CSMD1: variants seen among roughly 807,000 people sequenced by gnomAD.
CSMD1 encodes the protein CUB and sushi domain-containing protein 1.
Under a neutral mutation model 417.5 loss-of-function variants are expected in CSMD1, and 213 were observed. That is an observed-to-expected ratio of 0.51 (90% CI 0.46 to 0.57). The LOEUF (loss-of-function observed/expected upper bound fraction) is 0.57, where lower values mean the gene tolerates loss of function less well. Ranked by LOEUF, CSMD1 falls within the 20% of genes least tolerant of loss-of-function variation. The pLI is 0.00. For synonymous variants in CSMD1, 2,862 were observed against 1,736.8 expected (o/e 1.65, Z -16.11); for missense variants, 6,923 against 4,529.7 (o/e 1.53, Z -15.17).
intron 3 of CSMD1, among the ~76,000 whole-genome samples, chr8:4,242,807 C>T (rs542710333): frequency 6.6e-6 from 1 of 152,128 alleles, no homozygotes; most frequent in African/African-American, 2.4e-5. Flanking sequence ...TGGAGGAAAC[C>T]TTCATTCACC....
At position 4,177,129 on chromosome 8, in the gene CSMD1, G is replaced by T. The variant is rs546689859; in HGVS notation, c.416-145030C>A. On this transcript the variant is annotated intron_variant, in intron 3 of 69. Coordinates refer to ENST00000635120, the MANE Select transcript of CSMD1 (RefSeq NM_033225.6). Reference sequence around the variant, plus strand: ...CACCCCAAATCAACAGAATATACATGTTTTTCAGCACCACACCACACCTAT... The same window carrying T: ...CACCCCAAATCAACAGAATATACATTTTTTTCAGCACCACACCACACCTAT... 4.9e-3 allele frequency among the ~76,000 whole-genome samples: 744 copies of T among 152,130 alleles called. 2 individuals are homozygous for T. The highest frequency in any genetic ancestry group is 7.0e-3 in the Non-Finnish European group (478 of 67,968).
intron 50 of CSMD1, among the ~76,000 whole-genome samples, chr8:3,045,043 G>T (rs1176254473): frequency 1.3e-5 from 2 of 152,040 alleles, no homozygotes; most frequent in Admixed American, 1.3e-4. Flanking sequence ...AATTAAATCG[G>T]TTTTCCAGCC....
At chr8:4,703,731 A>G (rs1028670290) in intron 1 of CSMD1, among the ~76,000 whole-genome samples, 1 of 152,224 alleles carries the variant, frequency 6.6e-6, no homozygotes, top group African/African-American at 2.4e-5. Context: ...AAAAAATCTT[A>G]AAGTGATTTT....
chr8:4,942,572 G>C (rs149147157), intron 1 of CSMD1, among the ~76,000 whole-genome samples: 1 of 152,240 alleles, frequency 6.6e-6, no homozygotes, highest in Non-Finnish European at 1.5e-5. Flanking sequence ...ATTTAAAAGT[G>C]TGACTTCACT....
At chr8:2,972,346 C>A (rs111890426) in intron 57 of CSMD1, among the ~76,000 whole-genome samples, 1 of 152,250 alleles carries the variant, frequency 6.6e-6, no homozygotes. Context: ...ATACATACAA[C>A]AATACATATT....
chr8:3,407,745 G>C (rs1385129332), intron 14 of CSMD1, among the ~76,000 whole-genome samples, 154 bp downstream of exon 14: 3 of 152,082 alleles, frequency 2.0e-5, no homozygotes, highest in African/African-American at 7.2e-5. Context: ...AAGTTTTCAG[G>C]ATAACACTAT....
intron 3 of CSMD1, among the ~76,000 whole-genome samples, chr8:4,073,598 T>C (rs190747111): frequency 2.3e-4 from 35 of 152,228 alleles, no homozygotes; most frequent in African/African-American, 5.5e-4. Flanking sequence ...CTTTTCAGTA[T>C]TGAGATAAAT....
At chr8:4,596,441 T>C (rs1392277440) in intron 2 of CSMD1, among the ~76,000 whole-genome samples, 3 of 152,166 alleles carry the variant, frequency 2.0e-5, no homozygotes, top group Non-Finnish European at 4.4e-5. Flanking sequence ...TATAGCAATT[T>C]TGATCATTAT....
chr8:4,752,839 AT>A (rs1811419772), intron 1 of CSMD1, among the ~76,000 whole-genome samples: 1 of 152,206 alleles, frequency 6.6e-6, no homozygotes, highest in African/African-American at 2.4e-5. Flanking sequence ...AGTTCCTGAA[AT>A]AACAAGTTGA....
intron 1 of CSMD1, among the ~76,000 whole-genome samples, chr8:4,835,400 T>G (rs544771303): frequency 7.2e-5 from 11 of 152,262 alleles, no homozygotes; most frequent in African/African-American, 2.6e-4. Context: ...AGCATATGAT[T>G]TCACCATTAG....
chr8:4,872,987 T>C (rs916961482), intron 1 of CSMD1, among the ~76,000 whole-genome samples: 2 of 152,142 alleles, frequency 1.3e-5, no homozygotes, highest in Admixed American at 1.3e-4. Context: ...ATTTAAGGTG[T>C]ACAGTGTGTG....
chr8:3,534,706 T>G (rs542945097), intron 10 of CSMD1, among the ~76,000 whole-genome samples: 1 of 152,176 alleles, frequency 6.6e-6, no homozygotes. Flanking sequence ...ATTCTTCTAG[T>G]CCCAGAGCCT....
Position 4,572,628 on chromosome 8 carries a change from G to C in CSMD1, c.302+64714C>G, listed in dbSNP as rs150132890. 4.3e-4 allele frequency among the ~76,000 whole-genome samples: 65 copies of C among 152,236 alleles called. 1 individual carries two copies. In the South Asian group the frequency reaches 5.8e-3, roughly 14 times the overall value. On this transcript the variant is annotated intron_variant, in intron 2 of 69. Coordinates refer to ENST00000635120, the MANE Select transcript of CSMD1 (RefSeq NM_033225.6). ...GCTCTTCTCAAGGAGTATCTGAGCGGTGTTCTCTGTATTTCCTGAATTTGA... is the reference window on the plus strand; with the variant it reads ...GCTCTTCTCAAGGAGTATCTGAGCGCTGTTCTCTGTATTTCCTGAATTTGA...
At chr8:4,052,967 A>C (rs1798509255) in intron 3 of CSMD1, among the ~76,000 whole-genome samples, 1 of 152,154 alleles carries the variant, frequency 6.6e-6, no homozygotes, top group Non-Finnish European at 1.5e-5. Context: ...ATGGACCCAG[A>C]ACCTGAGGGC....
At chr8:3,414,150 A>G (rs1370575915) in intron 12 of CSMD1, among the ~76,000 whole-genome samples, 3 of 149,968 alleles carry the variant, frequency 2.0e-5, no homozygotes, top group African/African-American at 7.3e-5. Context: ...GAAAAGAAAA[A>G]AAAAAAAAAA....
intron 30 of CSMD1, among the ~76,000 whole-genome samples, chr8:3,212,595 C>G (rs1797677281): frequency 6.6e-6 from 1 of 152,094 alleles, no homozygotes; most frequent in Admixed American, 6.5e-5. Flanking sequence ...CTCAAGGGAT[C>G]CACTAGCCTT....
chr8:4,722,805 C>T (rs573113946), intron 1 of CSMD1, among the ~76,000 whole-genome samples: 42 of 152,222 alleles, frequency 2.8e-4, no homozygotes, highest in African/African-American at 1.0e-3. Context: ...TACTTGTTTT[C>T]TTCTACCTCT....
intron 1 of CSMD1, among the ~76,000 whole-genome samples, chr8:4,964,501 C>CA (rs768264857): frequency 0.061 from 4,962 of 80,978 alleles, 573 homozygotes; most frequent in Middle Eastern, 0.075. Context: ...GACCCTGTCT[C>CA]CAAAAAAAAA....
intron 1 of CSMD1, among the ~76,000 whole-genome samples, chr8:4,883,740 T>C (rs1446511681): frequency 1.3e-5 from 2 of 152,104 alleles, no homozygotes; most frequent in South Asian, 2.1e-4. Flanking sequence ...TGGGCATTTG[T>C]TATTTTTTCA....
Sources: gnomAD v4.1 joint callset for allele counts (sites outside exome capture counted in the v4.1 genomes callset) on GRCh38, gnomAD v4.1.1 for gene constraint, MANE v1.5 for transcripts, NCBI Gene and HGNC (gene_info 2026-07-23, HGNC 2026-07-21) for gene names.